LPP: variants seen among roughly 807,000 people sequenced by gnomAD.
LPP encodes lipoma-preferred partner.
A neutral mutation model predicts 60.4 loss-of-function variants in LPP; 38 were observed. That is an observed-to-expected ratio of 0.63 (90% CI 0.49 to 0.83). The LOEUF (loss-of-function observed/expected upper bound fraction) is 0.83. LPP is among the 40% of genes least tolerant of loss of function. The pLI, the probability that LPP is intolerant of heterozygous loss-of-function variation, is 0.00. For missense variants in LPP, 902 were observed against 783.6 expected (o/e 1.15, Z -1.80); for synonymous variants, 328 against 290.8 (o/e 1.13, Z -1.30).
chr3:188,345,743 T>C (rs1764170785), intron 3 of LPP, among the ~76,000 whole-genome samples: 1 of 152,166 alleles, frequency 6.6e-6, no homozygotes, highest in African/African-American at 2.4e-5. Flanking sequence ...GAAACTCACA[T>C]GTACATGGGG....
intron 5 of LPP, among the ~76,000 whole-genome samples, chr3:188,508,936 G>C (rs1228522014): frequency 6.6e-6 from 1 of 152,142 alleles, no homozygotes. Flanking sequence ...GAGGCCGATG[G>C]GTTTGTTAAA....
At chr3:188,353,535 G>A (rs78835565) in intron 3 of LPP, among the ~76,000 whole-genome samples, 12,724 of 152,212 alleles carry the variant, frequency 0.084, 630 homozygotes, top group East Asian at 0.17. Flanking sequence ...TCTAGGAACA[G>A]GTGATGGAGA....
At chr3:188,671,589 C>T (rs1856973104) in intron 7 of LPP, among the ~76,000 whole-genome samples, 1 of 152,168 alleles carries the variant, frequency 6.6e-6, no homozygotes, top group East Asian at 1.9e-4. Context: ...TAAGAATCTG[C>T]TCCATGGCCC....
At chr3:188,278,736 G>A (rs1404980356) in intron 2 of LPP, among the ~76,000 whole-genome samples, 1 of 152,116 alleles carries the variant, frequency 6.6e-6, no homozygotes, top group South Asian at 2.1e-4. Flanking sequence ...GGGCATTCTC[G>A]AGAACTTGGG....
At position 188,840,873 on chromosome 3, in the gene LPP, G is replaced by T. The variant is rs60201525; in HGVS notation, c.1411-25327G>T. Among the ~76,000 whole-genome samples, 752 of 152,242 alleles carry T rather than the reference G, an allele frequency of 4.9e-3. 4 individuals are homozygous for T. The highest frequency in any genetic ancestry group is 0.017 in the African/African-American group (706 of 41,546). On this transcript the variant is annotated intron_variant, in intron 9 of 11. Transcript: ENST00000617246. ...TTTTCCACCTCTAGCCTTGTTTCTA[G>T]CACCCTTTGGCCTCCAGAGCAAGCT...
chr3:188,787,064 G>A (rs1338733108), intron 9 of LPP, among the ~76,000 whole-genome samples: 3 of 152,196 alleles, frequency 2.0e-5, no homozygotes, highest in East Asian at 1.9e-4. Flanking sequence ...TACAGGCAGT[G>A]CAATTACATA....
At chr3:188,850,254 G>A (rs13087629) in intron 9 of LPP, among the ~76,000 whole-genome samples, 15,320 of 152,186 alleles carry the variant, frequency 0.1, 1,031 homozygotes, top group Middle Eastern at 0.16. Context: ...AGAACAATAT[G>A]GCAAAAGATG....
intron 3 of LPP, among the ~76,000 whole-genome samples, chr3:188,363,710 G>T (rs1019265969): frequency 6.6e-6 from 1 of 151,978 alleles, no homozygotes. Flanking sequence ...TTCAAGACCA[G>T]CCTGGCCAAC....
chr3:188,360,978 A>G (rs1769138848), intron 3 of LPP, among the ~76,000 whole-genome samples: 1 of 152,176 alleles, frequency 6.6e-6, no homozygotes, highest in Non-Finnish European at 1.5e-5. Context: ...ATAGTAAATT[A>G]TTGTTGATGT....
At chr3:188,709,418 G>A (rs183011886) in intron 8 of LPP, 87 of 152,168 alleles carry the variant, frequency 5.7e-4, no homozygotes, top group African/African-American at 2.0e-3. Context: ...GTATACTGGC[G>A]TGATCTTGGC....
chr3:188,444,068 G>GT (rs1231173612), intron 4 of LPP, among the ~76,000 whole-genome samples: 1 of 152,112 alleles, frequency 6.6e-6, no homozygotes, highest in Non-Finnish European at 1.5e-5. Flanking sequence ...CAGAAGCTGT[G>GT]TTTTTCCTCT....
intron 4 of LPP, among the ~76,000 whole-genome samples, chr3:188,467,133 A>G (rs925604705): frequency 1.3e-5 from 2 of 151,868 alleles, no homozygotes; most frequent in African/African-American, 2.4e-5. Context: ...TGGGGACAAT[A>G]TAAAACTTGT....
At chr3:188,606,353 T>C (rs77980819) in intron 6 of LPP, among the ~76,000 whole-genome samples, 3,097 of 152,310 alleles carry the variant, frequency 0.02, 102 homozygotes, top group African/African-American at 0.071. Context: ...CTTTTCCACA[T>C]ATCATTTGTC....
intron 3 of LPP, among the ~76,000 whole-genome samples, chr3:188,375,915 C>T (rs1352941159): frequency 1.3e-5 from 2 of 152,084 alleles, no homozygotes; most frequent in Non-Finnish European, 2.9e-5. Flanking sequence ...TCTTTGTTCT[C>T]GTTGGTTTCA....
At chr3:188,480,937 A>G (rs1427504237) in intron 4 of LPP, among the ~76,000 whole-genome samples, 1 of 152,166 alleles carries the variant, frequency 6.6e-6, no homozygotes, top group Non-Finnish European at 1.5e-5. Context: ...AATCTATTAG[A>G]ATGGAGAAGA....
chr3:188,511,288 C>G (rs1331488792), intron 5 of LPP, among the ~76,000 whole-genome samples: 1 of 124,290 alleles, frequency 8.0e-6, no homozygotes, highest in Non-Finnish European at 1.7e-5. Context: ...CCTTCCCTCC[C>G]TTCCTTCCCT....
intron 11 of LPP, among the ~76,000 whole-genome samples, chr3:188,873,776 A>C (rs913238086): frequency 1.3e-5 from 2 of 152,182 alleles, no homozygotes; most frequent in Admixed American, 1.3e-4. Flanking sequence ...TGTCTCCTTT[A>C]GAAAGTACAG....
chr3:188,794,785 C>T (rs1342912440), intron 9 of LPP, among the ~76,000 whole-genome samples: 1 of 152,056 alleles, frequency 6.6e-6, no homozygotes, highest in East Asian at 1.9e-4. Context: ...AGATTATGCT[C>T]AGCCCCGGGA....
intron 6 of LPP, among the ~76,000 whole-genome samples, chr3:188,535,655 G>A (rs1823382759): frequency 6.6e-6 from 1 of 152,054 alleles, no homozygotes; most frequent in Non-Finnish European, 1.5e-5. Flanking sequence ...GGTAACCAAT[G>A]TTTCATCCAA....
Sources: allele counts gnomAD v4.1 joint callset (sites outside exome capture counted in the v4.1 genomes callset), GRCh38; gene constraint gnomAD v4.1.1; transcripts MANE v1.5; gene names NCBI Gene and HGNC (gene_info 2026-07-23, HGNC 2026-07-21).